The following LCOR variants were observed in gnomAD, a reference collection of about 807,000 sequenced individuals.
The protein encoded by LCOR is ligand dependent nuclear receptor corepressor.
In LCOR, 14 loss-of-function variants were observed where a neutral mutation model predicts 64.4. The ratio of observed to expected loss-of-function variants is 0.22; its 90% CI spans 0.14 to 0.34. The LOEUF (loss-of-function observed/expected upper bound fraction) is 0.34, where lower values mean the gene tolerates loss of function less well. LCOR is among the 10% of genes least tolerant of loss of function. LCOR has a pLI of 1.00. For missense variants in LCOR, 1,686 were observed against 1,765.3 expected (o/e 0.96, Z 0.80); for synonymous variants, 643 against 642.5 (o/e 1.00, Z -0.01).
rs759675135 is a variant in LCOR at position 96,982,314 on chromosome 10, G to C, written c.1854G>C (p.Trp618Cys). ...SEETTASSLVWPLPAHLPEED... is the reference protein window; with the variant it reads ...SEETTASSLVCPLPAHLPEED... Reference sequence around the variant, plus strand: ...AAACGACAGCCTCCAGCCTGGTGTGGCCTCTCCCTGCTCACCTTCCTGAAG... The same window carrying C: ...AAACGACAGCCTCCAGCCTGGTGTGCCCTCTCCCTGCTCACCTTCCTGAAG... The change falls in exon 8 of 8, where the codon TGG becomes TGC. Residue 618 changes from tryptophan to cysteine, a missense_variant. This residue lies in a region of LCOR where 1,293 missense variants were observed against 1,410.4 expected (regional missense o/e 0.92). Coordinates refer to ENST00000421806, the MANE Select transcript of LCOR (RefSeq NM_001346516.2). 1.2e-6 allele frequency: 2 copies of C among 1,614,220 alleles called. No homozygotes were observed. The highest frequency in any genetic ancestry group is 2.2e-5 in the South Asian group (2 of 91,082).
intron 5 of LCOR, among the ~76,000 whole-genome samples, chr10:96,948,234 T>TA (rs1001571675): frequency 6.6e-6 from 1 of 152,340 alleles, no homozygotes; most frequent in East Asian, 1.9e-4. Context: ...TATTTTTTTT[T>TA]ACTAGTTGGC....
intron 2 of LCOR, among the ~76,000 whole-genome samples, chr10:96,837,204 A>G (rs1236926930): frequency 2.0e-5 from 3 of 151,986 alleles, no homozygotes; most frequent in East Asian, 1.9e-4. Flanking sequence ...GTTAGCCAGG[A>G]TGGTCTTGAT....
intron 4 of LCOR, among the ~76,000 whole-genome samples, chr10:96,933,676 C>G (rs1362043297): frequency 6.6e-6 from 1 of 152,058 alleles, no homozygotes; most frequent in Non-Finnish European, 1.5e-5. Context: ...CATGCCACCA[C>G]GCCTGCCTAA....
In LCOR at chr10:96,968,078, AC is replaced by A. The variant is rs1446239987; in HGVS notation, c.333-12714del. Among the ~76,000 whole-genome samples, 11 of 152,358 alleles carry A rather than the reference AC, an allele frequency of 7.2e-5. No homozygotes were observed. In the Middle Eastern group the frequency reaches 0.01, roughly 142 times the overall value. On this transcript the variant is annotated intron_variant, in intron 7 of 7. Coordinates refer to ENST00000421806, the MANE Select transcript of LCOR (RefSeq NM_001346516.2). ...GGGTTTTTTATTATGGTTAAAAAAA[AC>A]ATTAAAATTTACCATCTTAGTCATT...
intron 4 of LCOR, among the ~76,000 whole-genome samples, chr10:96,942,577 A>G (rs1481492569): frequency 6.6e-6 from 1 of 152,232 alleles, no homozygotes; most frequent in East Asian, 1.9e-4. Flanking sequence ...AAGGATCATT[A>G]TTTTAATTTG....
intron 2 of LCOR, among the ~76,000 whole-genome samples, chr10:96,886,495 A>G (rs373405944): frequency 4.6e-5 from 7 of 152,208 alleles, no homozygotes; most frequent in Admixed American, 6.5e-5. Flanking sequence ...TTAGTTTATA[A>G]TATTATTCCC....
chr10:96,951,233 C>T (rs934977632), intron 6 of LCOR, among the ~76,000 whole-genome samples: 3 of 152,020 alleles, frequency 2.0e-5, no homozygotes, highest in South Asian at 2.1e-4. Flanking sequence ...AGGAGAAAAA[C>T]GTCTTTGAGG....
chr10:96,937,849 A>AT (rs763175554), intron 4 of LCOR, among the ~76,000 whole-genome samples: 204 of 152,342 alleles, frequency 1.3e-3, no homozygotes, highest in Non-Finnish European at 2.4e-3. Flanking sequence ...CCTCAACAAA[A>AT]CATTAGCAAA....
At chr10:96,901,961 G>A (rs550027907) in intron 2 of LCOR, among the ~76,000 whole-genome samples, 11 of 152,010 alleles carry the variant, frequency 7.2e-5, no homozygotes, top group Admixed American at 6.6e-4. Flanking sequence ...TTATAGAGAC[G>A]GAGTTTTACC....
At chr10:96,875,975 T>C (rs1589624080) in intron 2 of LCOR, among the ~76,000 whole-genome samples, 1 of 149,728 alleles carries the variant, frequency 6.7e-6, no homozygotes, top group Non-Finnish European at 1.5e-5. Flanking sequence ...GACTTATAAA[T>C]AGCTAATTAT....
chr10:96,953,339 G>T (rs868669381), intron 7 of LCOR, among the ~76,000 whole-genome samples: 22 of 152,132 alleles, frequency 1.4e-4, no homozygotes, highest in African/African-American at 5.3e-4. Flanking sequence ...ATCACTTGAG[G>T]TCAGGAGTTC....
At position 96,981,426 on chromosome 10, in the gene LCOR, A is replaced by G. The variant is rs762802894; in HGVS notation, c.966A>G (p.Thr322=). ...QSSALVESLI[T]VKMAAENSEE... The stretch of plus-strand genomic sequence containing the variant: ...CAGCTTTAGTAGAAAGTCTAATTAC[A>G]GTAAAAATGGCAGCTGAGAATAGTG... The change falls in exon 8 of 8, where the codon ACA becomes ACG. Residue 322 remains threonine, a synonymous_variant. Coordinates refer to ENST00000421806, the MANE Select transcript of LCOR (RefSeq NM_001346516.2). The G allele has an allele frequency of 6.2e-7, 1 of 1,614,236 alleles. No individual in the cohort carries two copies. The highest frequency in any genetic ancestry group is 8.5e-7 in the Non-Finnish European group (1 of 1,180,044).
Position 96,983,203 on chromosome 10 carries a change from A to T in LCOR, c.2743A>T (p.Met915Leu). ...GIITRQTLKN[M>L]LDKEVKELRG... ...CATCACCAGGCAGACTTTGAAAAAC[A>T]TGCTGGACAAAGAAGTCAAGGAGTT... The change falls in exon 8 of 8, where the codon ATG (methionine) becomes TTG (leucine). Residue 915 changes from methionine to leucine, a missense_variant. By Grantham distance (15) the Met-to-Leu change is conservative (BLOSUM62 2). This residue lies in a region of LCOR where 1,293 missense variants were observed against 1,410.4 expected (regional missense o/e 0.92). Coordinates refer to ENST00000421806, the MANE Select transcript of LCOR (RefSeq NM_001346516.2). The surrounding 1 kb of genome is among the most constrained non-coding windows in gnomAD (Gnocchi z 4.5). The T allele has an allele frequency of 6.2e-7, 1 of 1,614,170 alleles. No homozygotes were observed. The highest frequency in any genetic ancestry group is 8.5e-7 in the Non-Finnish European group (1 of 1,180,038).
At chr10:96,836,359 G>A (rs1367993136) in intron 2 of LCOR, among the ~76,000 whole-genome samples, 1 of 152,024 alleles carries the variant, frequency 6.6e-6, no homozygotes, top group Non-Finnish European at 1.5e-5. Context: ...TCCTGTCTCA[G>A]CCTCCCAAAG....
At chr10:96,898,584 G>A (rs995032098) in intron 2 of LCOR, among the ~76,000 whole-genome samples, 6 of 152,180 alleles carry the variant, frequency 3.9e-5, no homozygotes, top group Non-Finnish European at 8.8e-5. Flanking sequence ...TAAAAATTAA[G>A]AGATGTTATT....
chr10:96,873,541 TTG>T (rs1347854332), intron 2 of LCOR, among the ~76,000 whole-genome samples: 1 of 149,210 alleles, frequency 6.7e-6, no homozygotes, highest in African/African-American at 2.5e-5. Flanking sequence ...GCTAAGTAAG[TTG>T]TTTTGTTTTT....
At chr10:96,838,648 A>T (rs917512944) in intron 2 of LCOR, among the ~76,000 whole-genome samples, 1 of 152,334 alleles carries the variant, frequency 6.6e-6, no homozygotes, top group South Asian at 2.1e-4. Context: ...ATGTTGTAGC[A>T]TTATCAGCAC....
chr10:96,838,671 A>G (rs749224782), intron 2 of LCOR, among the ~76,000 whole-genome samples: 2 of 152,210 alleles, frequency 1.3e-5, no homozygotes, highest in Non-Finnish European at 2.9e-5. Context: ...TGTTTCTTTT[A>G]TGGCTAAATA....
intron 7 of LCOR, among the ~76,000 whole-genome samples, chr10:96,953,255 A>G (rs1847712547): frequency 6.6e-6 from 1 of 151,976 alleles, no homozygotes; most frequent in Non-Finnish European, 1.5e-5. Flanking sequence ...CTATTTATAT[A>G]TCAAAAAATA....
Sources: allele counts gnomAD v4.1 joint callset (sites outside exome capture counted in the v4.1 genomes callset), GRCh38; gene constraint gnomAD v4.1.1; regional missense constraint gnomAD v4.1.1; non-coding constraint Gnocchi (gnomAD v3.1); transcripts MANE v1.5; gene names NCBI Gene and HGNC (gene_info 2026-07-23, HGNC 2026-07-21).